The following CORIN variants were observed in gnomAD, a reference collection of about 807,000 sequenced individuals.
CORIN encodes the protein corin, serine peptidase, also known as atrial natriuretic peptide-converting enzyme.
CORIN carries 117 observed loss-of-function variants against 125.3 expected under a neutral mutation model. The ratio of observed to expected loss-of-function variants is 0.93; its 90% CI spans 0.80 to 1.09. CORIN has a LOEUF of 1.09. CORIN is among the 50% of genes least tolerant of loss of function. The pLI is 0.00. For missense variants in CORIN, 1,253 were observed against 1,306.7 expected, an observed-to-expected ratio of 0.96 and a Z score of 0.63; for synonymous variants, 450 against 466.4, an observed-to-expected ratio of 0.96 and a Z score of 0.45.
chr4:47,814,957 C>A (rs577103863), intron 1 of CORIN, among the ~76,000 whole-genome samples: 95 of 152,172 alleles, frequency 6.2e-4, no homozygotes, highest in African/African-American at 2.2e-3. Flanking sequence ...GACTAAATAC[C>A]AACAAAATAT....
intron 19 of CORIN, among the ~76,000 whole-genome samples, chr4:47,615,254 A>C (rs1722030000): frequency 6.6e-6 from 1 of 152,172 alleles, no homozygotes; most frequent in Non-Finnish European, 1.5e-5. Flanking sequence ...AAAAGATTTT[A>C]TTCTTGTTAT....
intron 16 of CORIN, among the ~76,000 whole-genome samples, chr4:47,636,000 C>A (rs531348246): frequency 3.3e-5 from 5 of 152,262 alleles, no homozygotes; most frequent in Admixed American, 3.3e-4. Context: ...AATGCTGCAA[C>A]CATGGTGATG....
chr4:47,632,969 G>A (rs13127813), intron 16 of CORIN, among the ~76,000 whole-genome samples: 39,672 of 151,868 alleles, frequency 0.26, 5,414 homozygotes, highest in Admixed American at 0.36. Flanking sequence ...TTTGGTGGAG[G>A]TGGGGTTTCA....
chr4:47,649,669 A>T (rs1183770923), intron 13 of CORIN, among the ~76,000 whole-genome samples: 1 of 152,236 alleles, frequency 6.6e-6, no homozygotes, highest in African/African-American at 2.4e-5. Context: ...ATTCAAGTCT[A>T]AGTCTACGCA....
intron 16 of CORIN, among the ~76,000 whole-genome samples, chr4:47,639,151 A>G (rs1346782898): frequency 9.6e-6 from 1 of 104,380 alleles, no homozygotes; most frequent in African/African-American, 4.3e-5. Context: ...TCCGGACCCT[A>G]CATACACACT....
At chr4:47,782,194 G>A (rs1730583442) in intron 3 of CORIN, among the ~76,000 whole-genome samples, 1 of 151,088 alleles carries the variant, frequency 6.6e-6, no homozygotes, top group African/African-American at 2.4e-5. Flanking sequence ...AGACCAGCCT[G>A]GCCAACGTGG....
chr4:47,723,713 G>C (rs1271459986), intron 5 of CORIN, among the ~76,000 whole-genome samples: 1 of 151,988 alleles, frequency 6.6e-6, no homozygotes, highest in African/African-American at 2.4e-5. Flanking sequence ...AAGAAGCAGG[G>C]CAAGGCCAGG....
chr4:47,603,739 T>C (rs1721539752), intron 19 of CORIN, 71 bp from the exon 20 acceptor site: 3 of 1,507,124 alleles, frequency 2.0e-6, no homozygotes, highest in South Asian at 1.3e-5. Flanking sequence ...CATGTAATTT[T>C]AAAACATTTT....
intron 4 of CORIN, among the ~76,000 whole-genome samples, chr4:47,751,943 T>C (rs186433467): frequency 0.02 from 3,015 of 151,790 alleles, 61 homozygotes; most frequent in Admixed American, 0.035. Flanking sequence ...CCTCTATTCC[T>C]CCCTTACGTC....
At chr4:47,640,795 T>C (rs1037462161) in intron 16 of CORIN, among the ~76,000 whole-genome samples, 2 of 152,200 alleles carry the variant, frequency 1.3e-5, no homozygotes, top group Non-Finnish European at 1.5e-5. Flanking sequence ...GTAAAATCTT[T>C]GCAGTTTCAA....
intron 5 of CORIN, among the ~76,000 whole-genome samples, chr4:47,730,749 G>A (rs1257284441): frequency 6.6e-6 from 1 of 152,246 alleles, no homozygotes; most frequent in Admixed American, 6.5e-5. Context: ...GTTGTGCAAT[G>A]CAGCAATACT....
At chr4:47,669,782 G>C (rs368249662) in intron 10 of CORIN, among the ~76,000 whole-genome samples, 13 of 152,200 alleles carry the variant, frequency 8.5e-5, no homozygotes, top group African/African-American at 3.1e-4. Flanking sequence ...TGTTAGCCAG[G>C]ATGGTCTCAA....
intron 12 of CORIN, among the ~76,000 whole-genome samples, chr4:47,657,322 A>C (rs1030493552): frequency 2.0e-5 from 3 of 152,108 alleles, no homozygotes; most frequent in Non-Finnish European, 2.9e-5. Flanking sequence ...TCATGAGGTC[A>C]GGAGATCAAG....
chr4:47,722,799 G>A (rs999781281), intron 5 of CORIN, among the ~76,000 whole-genome samples: 1 of 152,198 alleles, frequency 6.6e-6, no homozygotes, highest in Non-Finnish European at 1.5e-5. Flanking sequence ...CCCTGTGATT[G>A]TAACTAAATG....
At chr4:47,628,514 T>C (rs907725144) in intron 16 of CORIN, among the ~76,000 whole-genome samples, 1 of 151,884 alleles carries the variant, frequency 6.6e-6, no homozygotes. Flanking sequence ...ATTTCAAGTA[T>C]ACAATTTAGC....
chr4:47,647,532 T>C lies in CORIN; in HGVS notation c.1844-2338A>G, dbSNP rs115029400. ...TCACAAATAATAATAATAATAATGA[T>C]GATAATGAGATAACATGTATTATCC... On this transcript the variant is annotated intron_variant, in intron 13 of 21. Transcript: ENST00000273857. Among the ~76,000 whole-genome samples, 939 of 152,284 alleles carry C rather than the reference T, an allele frequency of 6.2e-3. 14 individuals are homozygous for C. The highest frequency in any genetic ancestry group is 0.021 in the African/African-American group (884 of 41,550).
intron 5 of CORIN, among the ~76,000 whole-genome samples, chr4:47,724,511 A>G (rs903442781): frequency 5.7e-4 from 86 of 152,166 alleles, no homozygotes; most frequent in African/African-American, 1.7e-3. Context: ...CAAAAGAAAG[A>G]TATAAATTTA....
At chr4:47,803,686 G>A (rs373335244) in intron 2 of CORIN, among the ~76,000 whole-genome samples, 4 of 152,292 alleles carry the variant, frequency 2.6e-5, no homozygotes, top group East Asian at 3.9e-4. Context: ...GCTATCTCTC[G>A]CTATATTCAA....
rs548433876 is a variant in CORIN, at chr4:47,677,067, T to C, written c.1249+871A>G. Among the ~76,000 whole-genome samples the C allele has an allele frequency of 3.5e-4, 54 of 152,342 alleles. No homozygotes were observed. The South Asian group carries it at 6.0e-3, about 17-fold the overall frequency. On this transcript the variant is annotated intron_variant, in intron 9 of 21. Transcript: ENST00000273857. ...ATTTATCTATAGGTGACCAGTCTCATTGGCTGATTATGAATATACACAGCC... is the reference window on the plus strand; with the variant it reads ...ATTTATCTATAGGTGACCAGTCTCACTGGCTGATTATGAATATACACAGCC...
Sources: allele counts gnomAD v4.1 joint callset (sites outside exome capture counted in the v4.1 genomes callset), GRCh38; gene constraint gnomAD v4.1.1; transcripts MANE v1.5; gene names NCBI Gene and HGNC (gene_info 2026-07-23, HGNC 2026-07-21).